Variants in GOLGA7B observed in about 807,000 individuals in gnomAD.
GOLGA7B encodes the protein golgin A7 family member B.
In GOLGA7B, 17 loss-of-function variants were observed where a neutral mutation model predicts 21.5. That is an observed-to-expected ratio of 0.79 (90% CI 0.54 to 1.19). The LOEUF is 1.19. Ranked by LOEUF, GOLGA7B falls within the 50% of genes most tolerant of loss-of-function variation. GOLGA7B has a pLI of 0.00. For missense variants in GOLGA7B, 169 were observed against 224.4 expected, an observed-to-expected ratio of 0.75 and a Z score of 1.58; for synonymous variants, 87 against 84.0, an observed-to-expected ratio of 1.04 and a Z score of -0.19.
In GOLGA7B at chr10:97,867,482, C is replaced by T. The variant is rs556485742; in HGVS notation, c.*1782C>T. ...CAGCATGTAGGATACAAGGGCCTAC[C>T]CAGAGACCAGAGAGAGTCAGCCTAG... On this transcript the variant is annotated 3_prime_UTR_variant, in exon 5 of 5. Transcript: ENST00000370602. 1 of 152,352 alleles carries T rather than the reference C, an allele frequency of 6.6e-6. No homozygotes were observed. Among genetic ancestry groups the T allele is most frequent in the East Asian group, 1.9e-4 (1 of 5,178 alleles). The allele number at this position is 152,352 out of a possible 1,614,324, so 9.4% of individuals were successfully genotyped here. A position where few individuals can be genotyped will look rare whatever the true frequency, so the allele number is the denominator to read the frequency against.
Position 97,868,597 on chromosome 10 carries a change from G to A in GOLGA7B, c.*2897G>A, listed in dbSNP as rs543372668. On this transcript the variant is annotated 3_prime_UTR_variant, in exon 5 of 5. Transcript: ENST00000370602. ...GGCTGCAGTGAGCTGTGTGCAGCCT[G>A]GACTCACTCCCTCTGCTGGAACCTG... 1 of 152,332 alleles carries A rather than the reference G, an allele frequency of 6.6e-6. No homozygotes were observed. The highest frequency in any genetic ancestry group is 6.5e-5 in the Admixed American group (1 of 15,282). 9.4% of individuals were successfully genotyped at this position (152,332 alleles called of 1,614,324 possible).
intron 2 of GOLGA7B, among the ~76,000 whole-genome samples, chr10:97,863,353 G>A (rs1189494664): frequency 6.6e-6 from 1 of 152,110 alleles, no homozygotes; most frequent in Non-Finnish European, 1.5e-5. Context: ...TTATGGATAC[G>A]GGCAGGACAG....
intron 4 of GOLGA7B, 118 bp from the exon 5 acceptor site, chr10:97,865,472 T>G: frequency 6.6e-7 from 1 of 1,524,564 alleles, no homozygotes; most frequent in Non-Finnish European, 8.9e-7. Context: ...ACATCCCTAC[T>G]GTCTAGGCAG....
chr10:97,850,860 G>T (rs2049901341), intron 1 of GOLGA7B, among the ~76,000 whole-genome samples: 1 of 137,948 alleles, frequency 7.2e-6, no homozygotes, highest in Non-Finnish European at 1.6e-5. Flanking sequence ...CCCCATTCGA[G>T]TTTTTTTTTT....
In GOLGA7B at chr10:97,865,677, G is replaced by A; in HGVS notation, c.481G>A (p.Gly161Ser). Residue 161 changes from glycine to serine, a missense_variant, in exon 5 of 5, where the codon GGT becomes AGT. Physicochemically the swap from Gly to Ser is moderately conservative, Grantham distance 56. Transcript: ENST00000370602. The stretch of plus-strand genomic sequence containing the variant: ...CGGCAGTGGCAGCAGCAGCGGTGGG[G>A]GTGGTGGGGCGGGGGCCCGGTGACT... ...SSGSGSSSGG[G>S]GGAGAR is the part of the protein sequence containing the mutation. 6.2e-7 allele frequency: 1 copy of A among 1,608,772 alleles called. No homozygotes were observed. Among genetic ancestry groups the A allele is most frequent in the Non-Finnish European group, 8.5e-7 (1 of 1,177,628 alleles).
At position 97,865,706 on chromosome 10, in the gene GOLGA7B, C is replaced by T. The variant is rs200286666; in HGVS notation, c.*6C>T. ...GTGGGGCGGGGGCCCGGTGACTGGCCGAGAGTCCCTGTAGGGAGGTGTATG... is the reference window on the plus strand; with the variant it reads ...GTGGGGCGGGGGCCCGGTGACTGGCTGAGAGTCCCTGTAGGGAGGTGTATG... On this transcript the variant is annotated 3_prime_UTR_variant, in exon 5 of 5. Transcript: ENST00000370602. The T allele has an allele frequency of 1.8e-5, 29 of 1,602,288 alleles. No homozygotes were observed. Among genetic ancestry groups the T allele is most frequent in the Middle Eastern group, 1.7e-4 (1 of 5,916 alleles).
chr10:97,851,846 G>A lies in GOLGA7B; in HGVS notation c.12+1531G>A, dbSNP rs552422738. On this transcript the variant is annotated intron_variant, in intron 1 of 4. Coordinates refer to ENST00000370602, the MANE Select transcript of GOLGA7B (RefSeq NM_001010917.3). ...AGGCTTCTATCTCTATGTCAAGACA[G>A]CGTTTCCAGGAGGCTGCTATGAGAC... Among the ~76,000 whole-genome samples, 5 of 152,372 alleles carry A rather than the reference G, an allele frequency of 3.3e-5. No individual in the cohort carries two copies. In the East Asian group the frequency reaches 9.6e-4, roughly 29 times the overall value.
chr10:97,850,316 G>T lies in GOLGA7B; in HGVS notation c.12+1G>T. ...GCGCCCCCGGATCATGGCCACCGAG[G>T]TAGGGGCGAGCGCCCCACCCGCAGG... On this transcript the variant is annotated splice_donor_variant, in intron 1 of 4. Transcript: ENST00000370602. LOFTEE classifies it high-confidence loss of function. 1 of 1,518,334 alleles carries T rather than the reference G, an allele frequency of 6.6e-7. No homozygotes were observed. 94.1% of individuals were successfully genotyped at this position (1,518,334 alleles called of 1,614,324 possible).
intron 1 of GOLGA7B, among the ~76,000 whole-genome samples, chr10:97,855,146 G>A (rs2049927423): frequency 6.6e-6 from 1 of 152,152 alleles, no homozygotes; most frequent in South Asian, 2.1e-4. Flanking sequence ...AGAGACACAC[G>A]CCTTCAGGAC....
At position 97,867,122 on chromosome 10, in the gene GOLGA7B, G is replaced by T. The variant is rs933103901; in HGVS notation, c.*1422G>T. The T allele has an allele frequency of 6.6e-6, 1 of 152,210 alleles. No individual in the cohort carries two copies. The highest frequency in any genetic ancestry group is 1.5e-5 in the Non-Finnish European group (1 of 68,054). The allele number at this position is 152,210 out of a possible 1,614,324, so 9.4% of individuals were successfully genotyped here. A position where few individuals can be genotyped will look rare whatever the true frequency, so the allele number is the denominator to read the frequency against. On this transcript the variant is annotated 3_prime_UTR_variant, in exon 5 of 5. Coordinates refer to ENST00000370602, the MANE Select transcript of GOLGA7B (RefSeq NM_001010917.3). ...CCCATGACAAGACAACGGGGCTGCA[G>T]ACACTGTGTGTTCAGCCTGCCCAGG... is the stretch of plus-strand genomic sequence containing the variant.
chr10:97,851,907 A>G (rs73328563), intron 1 of GOLGA7B, among the ~76,000 whole-genome samples: 2,495 of 152,348 alleles, frequency 0.016, 59 homozygotes, highest in African/African-American at 0.044. Context: ...CTCTGCTCAT[A>G]ACGCCTCTGA....
intron 4 of GOLGA7B, chr10:97,865,218 T>G: frequency 4.1e-6 from 1 of 244,698 alleles, no homozygotes; most frequent in Non-Finnish European, 7.8e-6. Flanking sequence ...TGAATCAGGA[T>G]TTGAACTCAG....
chr10:97,860,498 C>T (rs996626737), intron 2 of GOLGA7B, among the ~76,000 whole-genome samples: 3 of 151,900 alleles, frequency 2.0e-5, no homozygotes, highest in African/African-American at 7.3e-5. Context: ...GTTACAGGTT[C>T]GTGCCACTAC....
chr10:97,853,715 G>C (rs559628411), intron 1 of GOLGA7B, among the ~76,000 whole-genome samples: 13 of 152,256 alleles, frequency 8.5e-5, no homozygotes, highest in African/African-American at 2.9e-4. Context: ...ACACCCAGGG[G>C]AAACACAGAA....
At chr10:97,864,122 G>A (rs545350666) in intron 3 of GOLGA7B, 40 bp downstream of exon 3, 20 of 1,613,956 alleles carry the variant, frequency 1.2e-5, no homozygotes, top group Non-Finnish European at 1.7e-5. Context: ...TTCCCTCAGG[G>A]CTGCCCTGTG....
At chr10:97,865,111 C>T (rs2050004736) in intron 4 of GOLGA7B, 1 of 156,804 alleles carries the variant, frequency 6.4e-6, no homozygotes, top group Non-Finnish European at 1.4e-5. Flanking sequence ...CCACACTAAC[C>T]CCAAGATTCT....
At chr10:97,851,154 T>C (rs2049903383) in intron 1 of GOLGA7B, among the ~76,000 whole-genome samples, 1 of 152,194 alleles carries the variant, frequency 6.6e-6, no homozygotes, top group Non-Finnish European at 1.5e-5. Context: ...ACTAATTTGC[T>C]ACTCCACACA....
In GOLGA7B at chr10:97,867,145, A is replaced by G. The variant is rs1247405955; in HGVS notation, c.*1445A>G. 1.3e-5 allele frequency: 2 copies of G among 152,142 alleles called. No individual in the cohort carries two copies. The allele number at this position is 152,142 out of a possible 1,614,324, so 9.4% of individuals were successfully genotyped here. On this transcript the variant is annotated 3_prime_UTR_variant, in exon 5 of 5. Transcript: ENST00000370602. ...CAGACACTGTGTGTTCAGCCTGCCC[A>G]GGGGCTGGGGCTCTTTAAGGCTTTG...
chr10:97,854,046 GCTT>G (rs907878817), intron 1 of GOLGA7B, among the ~76,000 whole-genome samples: 1 of 152,186 alleles, frequency 6.6e-6, no homozygotes, highest in African/African-American at 2.4e-5. Context: ...TAGATTTCTG[GCTT>G]CTTTTGAGAC....
Sources: gnomAD v4.1 joint callset for allele counts (sites outside exome capture counted in the v4.1 genomes callset) on GRCh38, gnomAD v4.1.1 for gene constraint, MANE v1.5 for transcripts, NCBI Gene and HGNC (gene_info 2026-07-23, HGNC 2026-07-21) for gene names.